DGKI: variants seen among roughly 807,000 people sequenced by gnomAD.
DGKI encodes DAG kinase iota.
Under a neutral mutation model 147.5 loss-of-function variants are expected in DGKI, and 55 were observed. That is an observed-to-expected ratio of 0.37 (90% CI 0.30 to 0.47). The LOEUF (loss-of-function observed/expected upper bound fraction) is 0.47. Ranked by LOEUF, DGKI falls within the 20% of genes least tolerant of loss-of-function variation. The pLI is 1.00. For missense variants in DGKI, 1,007 were observed against 1,323.8 expected (o/e 0.76, Z 3.71); for synonymous variants, 469 against 477.1 (o/e 0.98, Z 0.22).
In DGKI at chr7:137,620,779, A is replaced by G. The variant is rs3800614; in HGVS notation, c.877-839T>C. On this transcript the variant is annotated intron_variant, in intron 7 of 32. Coordinates refer to ENST00000614521, the MANE Select transcript of DGKI (RefSeq NM_001321708.2). Reference sequence around the variant, plus strand: ...GTTTTCAACCATCTTTTGTGTGACTATAAAGTGATAGTGATGTGTAATAAC... The same window carrying G: ...GTTTTCAACCATCTTTTGTGTGACTGTAAAGTGATAGTGATGTGTAATAAC... 2.6e-5 allele frequency among the ~76,000 whole-genome samples: 4 copies of G among 152,224 alleles called. No individual in the cohort carries two copies. The East Asian group carries it at 7.7e-4, about 29-fold the overall frequency.
At chr7:137,690,846 C>CAAGAAG (rs142386442) in intron 1 of DGKI, among the ~76,000 whole-genome samples, 3 of 151,572 alleles carry the variant, frequency 2.0e-5, no homozygotes, top group African/African-American at 7.3e-5. Context: ...ATAAGAACAG[C>CAAGAAG]AAGAAGAAGA....
chr7:137,546,809 T>A (rs534686865), intron 20 of DGKI, among the ~76,000 whole-genome samples: 1 of 152,378 alleles, frequency 6.6e-6, no homozygotes, highest in South Asian at 2.1e-4. Flanking sequence ...CATACATAAC[T>A]TCTCATGCAA....
In DGKI at chr7:137,717,148, G is replaced by A. The variant is rs537088170; in HGVS notation, c.402-27146C>T. 7.2e-5 allele frequency among the ~76,000 whole-genome samples: 11 copies of A among 152,322 alleles called. No individual in the cohort carries two copies. In the South Asian group the frequency reaches 1.7e-3, roughly 23 times the overall value. On this transcript the variant is annotated intron_variant, in intron 1 of 32. Coordinates refer to ENST00000614521, the MANE Select transcript of DGKI (RefSeq NM_001321708.2). Reference sequence around the variant, plus strand: ...AAGGTGGCCAATAGTACTGGTTAATGTGAATAAAACTGCATAAAGAAATGT... The same window carrying A: ...AAGGTGGCCAATAGTACTGGTTAATATGAATAAAACTGCATAAAGAAATGT...
chr7:137,502,047 T>TCC (rs1442538513), intron 21 of DGKI, among the ~76,000 whole-genome samples: 1 of 152,136 alleles, frequency 6.6e-6, no homozygotes, highest in Non-Finnish European at 1.5e-5. Context: ...TGTGACTTGC[T>TCC]CCCCCTTGCC....
intron 1 of DGKI, chr7:137,722,418 T>G: frequency 6.2e-7 from 1 of 1,611,990 alleles, no homozygotes; most frequent in East Asian, 2.2e-5. Flanking sequence ...GAGCCAGCAT[T>G]ACCCCCGGGA....
At chr7:137,608,843 C>T in intron 10 of DGKI, 123 bp downstream of exon 10, 1 of 737,116 alleles carries the variant, frequency 1.4e-6, no homozygotes, top group Non-Finnish European at 2.3e-6. Flanking sequence ...TAACCTTGTT[C>T]CTGAGAAACC....
chr7:137,684,953 A>G (rs901312247), intron 2 of DGKI, among the ~76,000 whole-genome samples: 25 of 152,166 alleles, frequency 1.6e-4, no homozygotes, highest in African/African-American at 6.0e-4. Context: ...ACACGCATGC[A>G]CACACACAGC....
chr7:137,764,360 C>T (rs543801684), intron 1 of DGKI, among the ~76,000 whole-genome samples: 51 of 152,302 alleles, frequency 3.3e-4, no homozygotes, highest in East Asian at 1.5e-3. Context: ...CCTTTTTCTG[C>T]CCTCTTTTTG....
At chr7:137,436,771 A>C (rs1731911) in intron 28 of DGKI, among the ~76,000 whole-genome samples, 3,134 of 152,260 alleles carry the variant, frequency 0.021, 111 homozygotes, top group African/African-American at 0.072. Context: ...AGCAAATCAA[A>C]TCTAGCAATG....
chr7:137,636,221 C>T lies in DGKI; in HGVS notation c.804+9251G>A, dbSNP rs185984783. On this transcript the variant is annotated intron_variant, in intron 6 of 32. Transcript: ENST00000614521. ...AGGGAATCAGACTGCAGAGAGATAA[C>T]GGTCTTGGTCCGCCTACCAGGTAGG... Among the ~76,000 whole-genome samples, 234 of 152,290 alleles carry T rather than the reference C, an allele frequency of 1.5e-3. 1 individual carries two copies. The highest frequency in any genetic ancestry group is 6.8e-3 in the Middle Eastern group (2 of 294).
intron 6 of DGKI, among the ~76,000 whole-genome samples, chr7:137,643,204 T>C (rs1005134330): frequency 2.9e-5 from 4 of 138,082 alleles, no homozygotes; most frequent in African/African-American, 1.1e-4. Context: ...GGCAGGAGAA[T>C]GGCATGAACC....
intron 3 of DGKI, among the ~76,000 whole-genome samples, chr7:137,678,197 T>C (rs1488364195): frequency 6.6e-6 from 1 of 151,962 alleles, no homozygotes; most frequent in Non-Finnish European, 1.5e-5. Flanking sequence ...ACAGAGCCCC[T>C]TCCTCCACAC....
At chr7:137,827,206 C>A (rs540286616) in intron 1 of DGKI, among the ~76,000 whole-genome samples, 2 of 152,236 alleles carry the variant, frequency 1.3e-5, no homozygotes, top group South Asian at 4.2e-4. Context: ...GGGTAACCAG[C>A]AATGGCTTCA....
intron 1 of DGKI, among the ~76,000 whole-genome samples, chr7:137,763,894 T>C (rs1795931469): frequency 6.6e-6 from 1 of 152,226 alleles, no homozygotes; most frequent in Non-Finnish European, 1.5e-5. Context: ...AAGCATGCTG[T>C]AATACTTCTA....
chr7:137,474,894 T>A (rs1815116615), intron 23 of DGKI, among the ~76,000 whole-genome samples: 1 of 152,164 alleles, frequency 6.6e-6, no homozygotes, highest in Non-Finnish European at 1.5e-5. Context: ...TAGTTTCTTA[T>A]CCAGTTCCTT....
rs1812187555 is a variant in DGKI at position 137,412,189 on chromosome 7, A to G, written c.2780T>C (p.Ile927Thr). 6.2e-7 allele frequency: 1 copy of G among 1,614,006 alleles called. No individual in the cohort carries two copies. Among genetic ancestry groups the G allele is most frequent in the Non-Finnish European group, 8.5e-7 (1 of 1,179,880 alleles). Residue 927 changes from isoleucine (I) to threonine (T), a missense_variant, in exon 29 of 33, where the codon ATA (isoleucine) becomes ACA (threonine). By Grantham distance (89) the Ile-to-Thr change is moderately conservative. This residue lies in a region of DGKI where 385 missense variants were observed against 445.2 expected (regional missense o/e 0.86). Transcript: ENST00000614521. The stretch of plus-strand genomic sequence containing the variant: ...TCTTACCTTCATAAGATCACCAGCT[A>G]TTACTGCCTGCAAAATTGCTGTGAA... ...SEDHAILQAVIAGDLMKLIES... is the reference protein window; with the variant it reads ...SEDHAILQAVTAGDLMKLIES...
At chr7:137,626,578 G>T (rs944770114) in intron 6 of DGKI, among the ~76,000 whole-genome samples, 1 of 152,158 alleles carries the variant, frequency 6.6e-6, no homozygotes, top group Non-Finnish European at 1.5e-5. Flanking sequence ...CAAAACTGCA[G>T]AAATGACTTC....
At chr7:137,476,141 G>A (rs544396604) in intron 23 of DGKI, among the ~76,000 whole-genome samples, 2 of 152,160 alleles carry the variant, frequency 1.3e-5, no homozygotes, top group South Asian at 2.1e-4. Flanking sequence ...CTGTCACGAT[G>A]TCAAGTAGAA....
At chr7:137,756,205 T>C (rs1479800207) in intron 1 of DGKI, among the ~76,000 whole-genome samples, 1 of 152,166 alleles carries the variant, frequency 6.6e-6, no homozygotes, top group Non-Finnish European at 1.5e-5. Flanking sequence ...GCAGTGGATC[T>C]CATCAATAAT....
Sources: allele counts gnomAD v4.1 joint callset (sites outside exome capture counted in the v4.1 genomes callset), GRCh38; gene constraint gnomAD v4.1.1; regional missense constraint gnomAD v4.1.1; transcripts MANE v1.5; gene names NCBI Gene and HGNC (gene_info 2026-07-23, HGNC 2026-07-21).